NCOA2: variants seen among roughly 807,000 people sequenced by gnomAD.
NCOA2 encodes the protein nuclear receptor coactivator 2.
In NCOA2, 21 loss-of-function variants were observed where a neutral mutation model predicts 145.1. The observed-to-expected ratio is 0.14, with a 90% CI of 0.10 to 0.21. The LOEUF is 0.21. NCOA2 is among the 10% of genes least tolerant of loss of function. NCOA2 has a pLI of 1.00. For missense variants in NCOA2, 1,472 were observed against 1,837.6 expected, an observed-to-expected ratio of 0.80 and a Z score of 3.64; for synonymous variants, 619 against 637.5, an observed-to-expected ratio of 0.97 and a Z score of 0.44.
chr8:70,176,986 C>T (rs1814925245), intron 4 of NCOA2, among the ~76,000 whole-genome samples: 1 of 152,180 alleles, frequency 6.6e-6, no homozygotes, highest in African/African-American at 2.4e-5. Flanking sequence ...TTTATGTGGT[C>T]CTACTGCATT....
intron 2 of NCOA2, among the ~76,000 whole-genome samples, chr8:70,225,059 G>A (rs1048653647): frequency 3.3e-5 from 5 of 152,086 alleles, no homozygotes; most frequent in African/African-American, 1.2e-4. Context: ...TCTATTAAGG[G>A]GGAATGCAGA....
chr8:70,308,877 G>A (rs1457720361), intron 1 of NCOA2, among the ~76,000 whole-genome samples: 1 of 152,172 alleles, frequency 6.6e-6, no homozygotes, highest in Non-Finnish European at 1.5e-5. Flanking sequence ...ATTAAAGACA[G>A]CAATAAACTC....
chr8:70,206,466 G>C (rs945111570), intron 4 of NCOA2, among the ~76,000 whole-genome samples: 1 of 151,996 alleles, frequency 6.6e-6, no homozygotes, highest in African/African-American at 2.4e-5. Context: ...TCCAGCATTT[G>C]TTTTAACTTC....
intron 4 of NCOA2, among the ~76,000 whole-genome samples, chr8:70,196,773 TTAA>T (rs1817360523): frequency 6.6e-6 from 1 of 152,242 alleles, no homozygotes; most frequent in African/African-American, 2.4e-5. Flanking sequence ...ATTTTCTGTC[TTAA>T]TAAACAAAGG....
At chr8:70,139,186 T>A (rs1032204011) in intron 14 of NCOA2, among the ~76,000 whole-genome samples, 3 of 152,212 alleles carry the variant, frequency 2.0e-5, no homozygotes, top group Non-Finnish European at 2.9e-5. Flanking sequence ...TATATTATCA[T>A]CATTATCTGT....
the NCOA2 span, among the ~76,000 whole-genome samples, chr8:70,432,796 T>G: frequency 6.6e-6 from 1 of 152,214 alleles, no homozygotes; most frequent in East Asian, 1.9e-4. Context: ...CATGCTTATA[T>G]GTATTTTTAT....
rs559680322 is a variant in NCOA2 at position 70,321,793 on chromosome 8, C to CTTTTTT, written c.-76-24999_-76-24994dup. Among the ~76,000 whole-genome samples, 566 of 73,560 alleles carry CTTTTTT rather than the reference C, an allele frequency of 7.7e-3. 86 individuals carry two copies. Among genetic ancestry groups the CTTTTTT allele is most frequent in the African/African-American group, 0.027 (423 of 15,896 alleles). 48.3% of individuals were successfully genotyped at this position (73,560 alleles called of 152,430 possible). A position where few individuals can be genotyped will look rare whatever the true frequency, so the allele number is the denominator to read the frequency against. On this transcript the variant is annotated intron_variant, in intron 1 of 22. Transcript: ENST00000452400. ...TGCTTTCCTAAGTTTCAGAATATACCTTTTTTTTTTTTTTTTTTTTTTTTT... is the reference window on the plus strand; with the variant it reads ...TGCTTTCCTAAGTTTCAGAATATACCTTTTTTTTTTTTTTTTTTTTTTTTTTTTTTT...
chr8:70,216,049 C>A (rs1009879205), intron 3 of NCOA2, among the ~76,000 whole-genome samples: 19 of 152,102 alleles, frequency 1.2e-4, no homozygotes, highest in African/African-American at 4.6e-4. Context: ...ATTTGAGTAA[C>A]CTCATATACA....
chr8:70,338,509 A>C (rs2136419134), intron 1 of NCOA2, among the ~76,000 whole-genome samples: 1 of 152,330 alleles, frequency 6.6e-6, no homozygotes, highest in East Asian at 1.9e-4. Flanking sequence ...TATCAGAGGT[A>C]CAAAGAAGAG....
At chr8:70,447,987 C>A in the NCOA2 span, among the ~76,000 whole-genome samples, 1 of 152,082 alleles carries the variant, frequency 6.6e-6, no homozygotes, top group African/African-American at 2.4e-5. Flanking sequence ...GCCTAGCCCC[C>A]GATCTGTTAA....
intron 1 of NCOA2, among the ~76,000 whole-genome samples, chr8:70,355,272 A>T (rs1809579660): frequency 6.6e-6 from 1 of 152,238 alleles, no homozygotes; most frequent in Non-Finnish European, 1.5e-5. Context: ...CATCCACCTG[A>T]AGGGGAACAG....
chr8:70,174,005 A>T (rs900487845), intron 5 of NCOA2, among the ~76,000 whole-genome samples: 21 of 152,200 alleles, frequency 1.4e-4, no homozygotes, highest in Non-Finnish European at 2.9e-4. Flanking sequence ...CAGCCGAGCA[A>T]ATTATCCTGA....
chr8:70,207,006 T>C (rs1475947943), intron 4 of NCOA2, among the ~76,000 whole-genome samples: 1 of 152,216 alleles, frequency 6.6e-6, no homozygotes, highest in Non-Finnish European at 1.5e-5. Context: ...CACAGCTAGT[T>C]GTCTGAAAGC....
chr8:70,237,620 A>C (rs1201209838), intron 2 of NCOA2, among the ~76,000 whole-genome samples: 1 of 151,862 alleles, frequency 6.6e-6, no homozygotes, highest in Non-Finnish European at 1.5e-5. Context: ...AAATACAAAA[A>C]TTATCCGGGC....
intron 1 of NCOA2, among the ~76,000 whole-genome samples, chr8:70,393,058 C>T (rs1256405663): frequency 1.3e-5 from 2 of 152,194 alleles, no homozygotes; most frequent in Admixed American, 1.3e-4. Flanking sequence ...TCCCCTCACT[C>T]CTTCCAAGGG....
At chr8:70,241,624 G>A (rs1056301500) in intron 2 of NCOA2, among the ~76,000 whole-genome samples, 2 of 152,106 alleles carry the variant, frequency 1.3e-5, no homozygotes, top group Non-Finnish European at 2.9e-5. Context: ...ACTGAACCCA[G>A]CATCATCTGA....
At chr8:70,330,527 T>C in intron 1 of NCOA2, among the ~76,000 whole-genome samples, 1 of 148,620 alleles carries the variant, frequency 6.7e-6, no homozygotes, top group South Asian at 2.1e-4. Flanking sequence ...GCTCCAATCA[T>C]GCCACTGCAC....
At chr8:70,318,568 G>T (rs947793599) in intron 1 of NCOA2, among the ~76,000 whole-genome samples, 1 of 152,032 alleles carries the variant, frequency 6.6e-6, no homozygotes, top group Non-Finnish European at 1.5e-5. Context: ...AGTTTGAGGT[G>T]AGCCTAGGCA....
At chr8:70,161,583 TA>T (rs1219452957) in intron 9 of NCOA2, among the ~76,000 whole-genome samples, 4 of 152,210 alleles carry the variant, frequency 2.6e-5, no homozygotes, top group Non-Finnish European at 4.4e-5. Context: ...TGCTTTTTTA[TA>T]AGTGATCTAA....
Sources: gnomAD v4.1 joint callset for allele counts (sites outside exome capture counted in the v4.1 genomes callset) on GRCh38, gnomAD v4.1.1 for gene constraint, MANE v1.5 for transcripts, NCBI Gene and HGNC (gene_info 2026-07-23, HGNC 2026-07-21) for gene names.